FARS2: variants seen among roughly 807,000 people sequenced by gnomAD.
FARS2 encodes the protein phenylalanyl-tRNA synthetase 2, mitochondrial.
FARS2 carries 40 observed loss-of-function variants against 46.4 expected under a neutral mutation model. That is an observed-to-expected ratio of 0.86 (90% CI 0.67 to 1.12). The LOEUF (loss-of-function observed/expected upper bound fraction) is 1.12. FARS2 is among the 50% of genes most tolerant of loss of function. FARS2 has a pLI of 0.00. For missense variants in FARS2, 513 were observed against 567.9 expected (o/e 0.90, Z 0.98); for synonymous variants, 234 against 214.9 (o/e 1.09, Z -0.78).
intron 6 of FARS2, among the ~76,000 whole-genome samples, chr6:5,690,714 C>T (rs977165345): frequency 2.0e-5 from 3 of 152,166 alleles, no homozygotes; most frequent in Non-Finnish European, 2.9e-5. Flanking sequence ...TTGTGACATT[C>T]TCTGTATTTC....
chr6:5,562,977 TTTTTTTGTTTTTC>T (rs549561872), intron 5 of FARS2, among the ~76,000 whole-genome samples: 39 of 151,880 alleles, frequency 2.6e-4, no homozygotes, highest in African/African-American at 8.4e-4. Flanking sequence ...CTAATTTTTG[TTTTTTTGTTTTTC>T]TTTTTTGTTT....
chr6:5,549,764 G>A (rs1242282286), intron 5 of FARS2, among the ~76,000 whole-genome samples: 3 of 152,154 alleles, frequency 2.0e-5, no homozygotes, highest in East Asian at 1.9e-4. Flanking sequence ...GGATTAGGAC[G>A]TAGATATCTT....
At chr6:5,393,413 T>C (rs1156686525) in intron 2 of FARS2, among the ~76,000 whole-genome samples, 2 of 152,018 alleles carry the variant, frequency 1.3e-5, no homozygotes, top group Non-Finnish European at 2.9e-5. Flanking sequence ...TCCCAGCTCT[T>C]TGGGAGGCTG....
At chr6:5,469,806 A>C (rs1765712080) in intron 4 of FARS2, among the ~76,000 whole-genome samples, 1 of 152,240 alleles carries the variant, frequency 6.6e-6, no homozygotes, top group Non-Finnish European at 1.5e-5. Flanking sequence ...ATTTCTAATC[A>C]GTGTTTTTCA....
At chr6:5,462,978 A>G (rs562984426) in intron 4 of FARS2, among the ~76,000 whole-genome samples, 2 of 152,320 alleles carry the variant, frequency 1.3e-5, no homozygotes, top group South Asian at 4.1e-4. Flanking sequence ...CTAGGTAGTG[A>G]AGAATTATTT....
chr6:5,392,582 C>T (rs182334160), intron 2 of FARS2, among the ~76,000 whole-genome samples: 6 of 151,934 alleles, frequency 3.9e-5, no homozygotes, highest in Admixed American at 6.5e-5. Context: ...AAATGAAGTA[C>T]TTAGCCCACC....
intron 6 of FARS2, among the ~76,000 whole-genome samples, chr6:5,677,775 C>T (rs1269289162): frequency 6.6e-6 from 1 of 152,146 alleles, no homozygotes; most frequent in Admixed American, 6.6e-5. Flanking sequence ...CTCGCAGCTA[C>T]TTGAAGGGTT....
chr6:5,288,729 A>G (rs537404585), intron 1 of FARS2, among the ~76,000 whole-genome samples: 2 of 152,328 alleles, frequency 1.3e-5, no homozygotes, highest in East Asian at 3.9e-4. Flanking sequence ...ATGGAGCTCA[A>G]GAAAATGCTC....
At chr6:5,691,982 C>T (rs111554009) in intron 6 of FARS2, among the ~76,000 whole-genome samples, 42 of 152,316 alleles carry the variant, frequency 2.8e-4, no homozygotes, top group African/African-American at 8.4e-4. Context: ...TAGGACCCTC[C>T]GAGCCAGGCG....
At chr6:5,718,350 C>G (rs549270372) in intron 6 of FARS2, among the ~76,000 whole-genome samples, 6 of 152,344 alleles carry the variant, frequency 3.9e-5, no homozygotes, top group African/African-American at 1.4e-4. Flanking sequence ...CCACCCACCC[C>G]CAACTGGGCC....
intron 1 of FARS2, among the ~76,000 whole-genome samples, chr6:5,349,619 A>G (rs1311552416): frequency 1.3e-5 from 2 of 152,194 alleles, no homozygotes; most frequent in Non-Finnish European, 2.9e-5. Flanking sequence ...ATTTGATGCA[A>G]TTAAGGAACC....
intron 6 of FARS2, among the ~76,000 whole-genome samples, chr6:5,676,492 A>G (rs963133505): frequency 6.6e-6 from 1 of 152,198 alleles, no homozygotes; most frequent in Non-Finnish European, 1.5e-5. Flanking sequence ...TTAATTCTCA[A>G]TAACATTCAA....
chr6:5,634,209 A>G (rs565095114), intron 6 of FARS2, among the ~76,000 whole-genome samples: 1 of 152,244 alleles, frequency 6.6e-6, no homozygotes, highest in Non-Finnish European at 1.5e-5. Context: ...TTTTCTAAAC[A>G]GTTAACCAGC....
intron 6 of FARS2, among the ~76,000 whole-genome samples, chr6:5,704,195 G>A (rs1438046340): frequency 1.3e-5 from 2 of 152,330 alleles, no homozygotes; most frequent in Non-Finnish European, 2.9e-5. Context: ...CCAAGGTCAA[G>A]GCACCAGCAG....
chr6:5,736,303 AC>A (rs1429310853), intron 6 of FARS2, among the ~76,000 whole-genome samples: 1 of 152,176 alleles, frequency 6.6e-6, no homozygotes, highest in African/African-American at 2.4e-5. Context: ...GAAGTGACAC[AC>A]CATCACTTCT....
At chr6:5,285,173 G>C (rs960794347) in intron 1 of FARS2, among the ~76,000 whole-genome samples, 1 of 152,220 alleles carries the variant, frequency 6.6e-6, no homozygotes, top group Non-Finnish European at 1.5e-5. Context: ...GGGAGAGGCT[G>C]ACAGGAGCCT....
At position 5,766,636 on chromosome 6, in the gene FARS2, A is replaced by G. The variant is rs146013040; in HGVS notation, c.1218-4655A>G. 3.0e-3 allele frequency among the ~76,000 whole-genome samples: 454 copies of G among 152,344 alleles called. 3 individuals are homozygous for G. Among genetic ancestry groups the G allele is most frequent in the Non-Finnish European group, 4.6e-3 (311 of 68,022 alleles). ...TGACAGTTAATAGCTGGGCTCTGAA[A>G]CCAGATTTCCTAGTTTTTATTATTT... On this transcript the variant is annotated intron_variant, in intron 6 of 6. Transcript: ENST00000274680.
At chr6:5,363,965 G>T (rs758447556) in intron 1 of FARS2, among the ~76,000 whole-genome samples, 1 of 152,072 alleles carries the variant, frequency 6.6e-6, no homozygotes, top group South Asian at 2.1e-4. Flanking sequence ...AATATAACTC[G>T]AATTGCCTTA....
chr6:5,712,578 G>A (rs932478413), intron 6 of FARS2, among the ~76,000 whole-genome samples: 3 of 152,224 alleles, frequency 2.0e-5, no homozygotes, highest in Non-Finnish European at 2.9e-5. Context: ...TCTCATGTGA[G>A]ACACACAGGG....
Sources: allele counts gnomAD v4.1 joint callset (sites outside exome capture counted in the v4.1 genomes callset), GRCh38; gene constraint gnomAD v4.1.1; transcripts MANE v1.5; gene names NCBI Gene and HGNC (gene_info 2026-07-23, HGNC 2026-07-21).